The following TMEM108 variants were observed in gnomAD, a reference collection of about 807,000 sequenced individuals.
TMEM108 encodes the protein transmembrane protein 108.
Under a neutral mutation model 35.1 loss-of-function variants are expected in TMEM108, and 12 were observed. The observed-to-expected ratio is 0.34, with a 90% CI of 0.22 to 0.55. The LOEUF (loss-of-function observed/expected upper bound fraction) is 0.55. Ranked by LOEUF, TMEM108 falls within the 20% of genes least tolerant of loss-of-function variation. TMEM108 has a pLI of 0.89. For synonymous variants in TMEM108, 287 were observed against 308.6 expected, an observed-to-expected ratio of 0.93 and a Z score of 0.73; for missense variants, 680 against 753.3, an observed-to-expected ratio of 0.90 and a Z score of 1.14.
At chr3:133,300,771 G>A (rs1458962092) in intron 3 of TMEM108, among the ~76,000 whole-genome samples, 1 of 151,836 alleles carries the variant, frequency 6.6e-6, no homozygotes, top group Non-Finnish European at 1.5e-5. Flanking sequence ...GACTGCAAGA[G>A]ACTGATTAAA....
intron 2 of TMEM108, among the ~76,000 whole-genome samples, chr3:133,179,187 A>T (rs1489050907): frequency 6.6e-6 from 1 of 151,250 alleles, no homozygotes; most frequent in Non-Finnish European, 1.5e-5. Flanking sequence ...GAGAAATAGG[A>T]ACACTTTTAC....
At chr3:133,264,337 A>G (rs921848264) in intron 3 of TMEM108, among the ~76,000 whole-genome samples, 5 of 152,106 alleles carry the variant, frequency 3.3e-5, no homozygotes, top group Non-Finnish European at 7.3e-5. Context: ...AAAGCTATCT[A>G]TCATGCTATT....
rs568133993 is a variant in TMEM108 at position 133,309,802 on chromosome 3, G to A, written c.41-69950G>A. ...TGCAAGCTCCGCCTCCCGGGTTCAC[G>A]CTATTCTCCTGCCTCAGCCTCCCAA... On this transcript the variant is annotated intron_variant, in intron 3 of 5. Transcript: ENST00000321871. Among the ~76,000 whole-genome samples, 246 of 136,382 alleles carry A rather than the reference G, an allele frequency of 1.8e-3. 1 individual carries two copies. Among genetic ancestry groups the A allele is most frequent in the Non-Finnish European group, 2.5e-3 (166 of 65,198 alleles). 89.5% of individuals were successfully genotyped at this position (136,382 alleles called of 152,430 possible).
chr3:133,283,730 T>TA (rs1398704815), intron 3 of TMEM108, among the ~76,000 whole-genome samples: 4 of 152,252 alleles, frequency 2.6e-5, no homozygotes, highest in Admixed American at 1.3e-4. Flanking sequence ...CTGATGTTTC[T>TA]AACAATGGCA....
chr3:133,248,338 A>T, intron 3 of TMEM108: 1 of 152,318 alleles, frequency 6.6e-6, no homozygotes, highest in African/African-American at 2.4e-5. Flanking sequence ...TGTTATGCCT[A>T]AAATCCTAGA....
intron 3 of TMEM108, among the ~76,000 whole-genome samples, chr3:133,364,917 C>G: frequency 6.9e-6 from 1 of 144,014 alleles, no homozygotes; most frequent in African/African-American, 2.9e-5. Context: ...AACACAGTCA[C>G]GCCAAGTCCT....
intron 2 of TMEM108, among the ~76,000 whole-genome samples, chr3:133,228,954 T>C (rs1241282475): frequency 6.6e-6 from 1 of 152,204 alleles, no homozygotes; most frequent in African/African-American, 2.4e-5. Context: ...AAATTTTTTG[T>C]TTCTCCTGTG....
rs371558697 is a variant in TMEM108 at position 133,222,951 on chromosome 3, G to T, written c.-46-6315G>T. Among the ~76,000 whole-genome samples the T allele has an allele frequency of 7.2e-5, 11 of 152,074 alleles. 1 individual carries two copies. The highest frequency in any genetic ancestry group is 2.7e-4 in the African/African-American group (11 of 41,486). ...TACTTCTACCTCAGCCTCTCAAGAAGCTGGGACCATAGGCACACATCACCA... is the reference window on the plus strand; with the variant it reads ...TACTTCTACCTCAGCCTCTCAAGAATCTGGGACCATAGGCACACATCACCA... On this transcript the variant is annotated intron_variant, in intron 2 of 5. Transcript: ENST00000321871.
intron 3 of TMEM108, among the ~76,000 whole-genome samples, chr3:133,377,285 A>G (rs1394476654): frequency 6.6e-6 from 1 of 152,188 alleles, no homozygotes; most frequent in Non-Finnish European, 1.5e-5. Context: ...GACACTTGAA[A>G]GGGAATGTCC....
intron 3 of TMEM108, among the ~76,000 whole-genome samples, chr3:133,375,975 T>C (rs2072825744): frequency 6.6e-6 from 1 of 152,188 alleles, no homozygotes; most frequent in Non-Finnish European, 1.5e-5. Flanking sequence ...TATCCGTTCA[T>C]TGTGCCAAAG....
At chr3:133,326,869 T>C (rs2071339685) in intron 3 of TMEM108, among the ~76,000 whole-genome samples, 1 of 152,220 alleles carries the variant, frequency 6.6e-6, no homozygotes, top group South Asian at 2.1e-4. Context: ...GAGGATTTAA[T>C]GAAAGAAGAC....
chr3:133,075,510 C>T (rs1428049782), intron 2 of TMEM108, among the ~76,000 whole-genome samples: 1 of 152,162 alleles, frequency 6.6e-6, no homozygotes, highest in Admixed American at 6.5e-5. Flanking sequence ...CAAGTGAAAA[C>T]AACCCTACTG....
At chr3:133,204,185 CTT>C (rs1945715936) in intron 2 of TMEM108, among the ~76,000 whole-genome samples, 1 of 151,540 alleles carries the variant, frequency 6.6e-6, no homozygotes, top group African/African-American at 2.4e-5. Flanking sequence ...ATTATGCTCT[CTT>C]TTCTTTTTTA....
At chr3:133,076,684 T>C (rs540212897) in intron 2 of TMEM108, among the ~76,000 whole-genome samples, 5 of 152,360 alleles carry the variant, frequency 3.3e-5, no homozygotes, top group African/African-American at 9.6e-5. Context: ...ACTGATTACC[T>C]TTTCAGTTCT....
chr3:133,233,871 A>G (rs1345865394), intron 3 of TMEM108, among the ~76,000 whole-genome samples: 1 of 151,632 alleles, frequency 6.6e-6, no homozygotes, highest in Non-Finnish European at 1.5e-5. Flanking sequence ...TCCTTTGCCC[A>G]CTTTTTGATG....
rs534055342 is a variant in TMEM108 at position 133,281,982 on chromosome 3, T to C, written c.40+52631T>C. ...ACCATCCTGGCTAACACGGTGAAAC[T>C]CCGTCTCTACTAAAAATACAAAAAA... On this transcript the variant is annotated intron_variant, in intron 3 of 5. Coordinates refer to ENST00000321871, the MANE Select transcript of TMEM108 (RefSeq NM_023943.4). Among the ~76,000 whole-genome samples, 42 of 151,852 alleles carry C rather than the reference T, an allele frequency of 2.8e-4. No individual in the cohort carries two copies. In the East Asian group the frequency reaches 3.3e-3, roughly 12 times the overall value.
chr3:133,234,529 G>A (rs1224057828), intron 3 of TMEM108, among the ~76,000 whole-genome samples: 3 of 152,050 alleles, frequency 2.0e-5, no homozygotes, highest in Admixed American at 2.0e-4. Flanking sequence ...ATACAGAAAA[G>A]GCCTTTAACA....
At position 133,357,516 on chromosome 3, in the gene TMEM108, GAAA is replaced by G. The variant is rs1388984778; in HGVS notation, c.41-22235_41-22233del. Among the ~76,000 whole-genome samples the G allele has an allele frequency of 2.0e-5, 3 of 152,102 alleles. No homozygotes were observed. In the East Asian group the frequency reaches 5.8e-4, roughly 29 times the overall value. On this transcript the variant is annotated intron_variant, in intron 3 of 5. Coordinates refer to ENST00000321871, the MANE Select transcript of TMEM108 (RefSeq NM_023943.4). ...GCACAATTCACAATTACAGAGATAT[GAAA>G]CCAACCTAAGTGCCCACCAACCAAC... is the stretch of plus-strand genomic sequence containing the variant.
intron 2 of TMEM108, among the ~76,000 whole-genome samples, chr3:133,223,802 A>G (rs1175084097): frequency 6.6e-6 from 1 of 152,252 alleles, no homozygotes; most frequent in Non-Finnish European, 1.5e-5. Flanking sequence ...GAAAAAATAA[A>G]TATAAAATGT....
Sources: allele counts gnomAD v4.1 joint callset (sites outside exome capture counted in the v4.1 genomes callset), GRCh38; gene constraint gnomAD v4.1.1; transcripts MANE v1.5; gene names NCBI Gene and HGNC (gene_info 2026-07-23, HGNC 2026-07-21).